Variants in AGBL4 observed in about 807,000 individuals in gnomAD.
AGBL4 encodes cytosolic carboxypeptidase 6.
A neutral mutation model predicts 66.4 loss-of-function variants in AGBL4; 58 were observed. That is an observed-to-expected ratio of 0.87 (90% CI 0.71 to 1.09). The LOEUF (loss-of-function observed/expected upper bound fraction) is 1.09. Ranked by LOEUF, AGBL4 falls within the 50% of genes least tolerant of loss-of-function variation. The pLI is 0.00. For missense variants in AGBL4, 579 were observed against 631.0 expected (o/e 0.92, Z 0.88); for synonymous variants, 234 against 222.9 (o/e 1.05, Z -0.44).
chr1:48,803,166 G>A (rs1645848286), intron 6 of AGBL4, among the ~76,000 whole-genome samples: 2 of 152,212 alleles, frequency 1.3e-5, no homozygotes, highest in African/African-American at 4.8e-5. Flanking sequence ...CTCCTCTTGT[G>A]TAGAGGACAC....
intron 3 of AGBL4, among the ~76,000 whole-genome samples, chr1:49,288,600 A>C (rs1021290269): frequency 1.8e-4 from 27 of 152,210 alleles, no homozygotes; most frequent in Non-Finnish European, 2.9e-5. Flanking sequence ...TGAAATGCTA[A>C]TAAAACAAGT....
intron 1 of AGBL4, among the ~76,000 whole-genome samples, chr1:49,951,984 G>A (rs1468567068): frequency 6.6e-6 from 1 of 151,796 alleles, no homozygotes; most frequent in Non-Finnish European, 1.5e-5. Flanking sequence ...AAAAACAGAG[G>A]CTACCAGGGT....
chr1:49,122,848 T>G (rs1211314303), intron 4 of AGBL4, among the ~76,000 whole-genome samples: 1 of 152,102 alleles, frequency 6.6e-6, no homozygotes, highest in Non-Finnish European at 1.5e-5. Context: ...GCTACTATAT[T>G]GTTTGTTTGT....
chr1:48,647,092 T>G (rs1001381890), intron 8 of AGBL4, among the ~76,000 whole-genome samples: 12 of 152,234 alleles, frequency 7.9e-5, no homozygotes, highest in Admixed American at 5.9e-4. Flanking sequence ...TTTACTGCAC[T>G]GGAGCATCCT....
chr1:49,602,539 G>T (rs1290305491), intron 3 of AGBL4, among the ~76,000 whole-genome samples: 1 of 152,056 alleles, frequency 6.6e-6, no homozygotes, highest in Non-Finnish European at 1.5e-5. Flanking sequence ...CATGTCCTTT[G>T]CAGGGACATG....
chr1:49,922,116 T>C (rs770565462), intron 1 of AGBL4, among the ~76,000 whole-genome samples: 2 of 152,216 alleles, frequency 1.3e-5, no homozygotes, highest in East Asian at 3.8e-4. Flanking sequence ...TTTTTGTCTT[T>C]TGTGGTTTTG....
intron 3 of AGBL4, among the ~76,000 whole-genome samples, chr1:49,685,305 A>G (rs905392706): frequency 6.6e-6 from 1 of 152,154 alleles, no homozygotes; most frequent in African/African-American, 2.4e-5. Flanking sequence ...TTCACCGTTG[A>G]TGGGCATCTA....
chr1:49,929,081 T>C (rs1653076127), intron 1 of AGBL4, among the ~76,000 whole-genome samples: 1 of 152,222 alleles, frequency 6.6e-6, no homozygotes, highest in South Asian at 2.1e-4. Flanking sequence ...AACCAAATAC[T>C]ACATATTCTC....
chr1:49,259,380 A>G (rs1325016212), intron 3 of AGBL4, among the ~76,000 whole-genome samples: 1 of 152,194 alleles, frequency 6.6e-6, no homozygotes, highest in Non-Finnish European at 1.5e-5. Flanking sequence ...TAAAGAGTCA[A>G]GACCCATCAG....
intron 3 of AGBL4, among the ~76,000 whole-genome samples, chr1:49,281,936 G>A (rs1396114759): frequency 6.6e-6 from 1 of 152,212 alleles, no homozygotes; most frequent in Non-Finnish European, 1.5e-5. Context: ...GCCTGAGGAA[G>A]GGGCTGTGGA....
At chr1:49,457,922 C>A (rs1646426533) in intron 3 of AGBL4, among the ~76,000 whole-genome samples, 2 of 151,556 alleles carry the variant, frequency 1.3e-5, no homozygotes, top group Non-Finnish European at 3.0e-5. Flanking sequence ...GATCTGTGTG[C>A]CTATTTTTAT....
intron 6 of AGBL4, among the ~76,000 whole-genome samples, chr1:48,674,890 C>T (rs1201922281): frequency 6.6e-6 from 1 of 152,134 alleles, no homozygotes; most frequent in Admixed American, 6.6e-5. Context: ...CCTCCCAGCC[C>T]CTTCTGCTAT....
intron 3 of AGBL4, among the ~76,000 whole-genome samples, chr1:49,455,611 C>T (rs1476072199): frequency 6.6e-6 from 1 of 151,636 alleles, no homozygotes; most frequent in African/African-American, 2.4e-5. Context: ...CCAAATTGAC[C>T]TCTCTATGCT....
chr1:48,815,992 G>T (rs1200005120), intron 6 of AGBL4, among the ~76,000 whole-genome samples: 1 of 151,766 alleles, frequency 6.6e-6, no homozygotes, highest in Non-Finnish European at 1.5e-5. Flanking sequence ...GGCATTAGCT[G>T]CTCAAACTAA....
intron 2 of AGBL4, among the ~76,000 whole-genome samples, chr1:49,717,086 A>G (rs922695449): frequency 1.3e-5 from 2 of 152,188 alleles, no homozygotes; most frequent in African/African-American, 4.8e-5. Flanking sequence ...AAATCTCATG[A>G]TACAAAATCA....
At chr1:49,697,139 A>G in intron 3 of AGBL4, 174 bp downstream of exon 3, 1 of 623,472 alleles carries the variant, frequency 1.6e-6, no homozygotes, top group Non-Finnish European at 2.5e-6. Context: ...TCAGATAACA[A>G]AAGTCAACAT....
intron 3 of AGBL4, among the ~76,000 whole-genome samples, chr1:49,494,599 T>C (rs975771550): frequency 6.6e-6 from 1 of 152,062 alleles, no homozygotes; most frequent in African/African-American, 2.4e-5. Flanking sequence ...ACAAAGGACA[T>C]GAACTCATCA....
intron 9 of AGBL4, among the ~76,000 whole-genome samples, chr1:48,617,756 C>G (rs1645343562): frequency 6.6e-6 from 1 of 152,206 alleles, no homozygotes; most frequent in Non-Finnish European, 1.5e-5. Context: ...CCGGCCATGA[C>G]CATGGCTTGG....
At chr1:49,632,721 C>T (rs569910810) in intron 3 of AGBL4, among the ~76,000 whole-genome samples, 2 of 152,290 alleles carry the variant, frequency 1.3e-5, no homozygotes, top group Non-Finnish European at 2.9e-5. Context: ...ACAGAATTGC[C>T]TTTGTCATAG....
Sources: gnomAD v4.1 joint callset for allele counts (sites outside exome capture counted in the v4.1 genomes callset) on GRCh38, gnomAD v4.1.1 for gene constraint, MANE v1.5 for transcripts, NCBI Gene and HGNC (gene_info 2026-07-23, HGNC 2026-07-21) for gene names.